The following PIP5K1C variants were observed in gnomAD, a reference collection of about 807,000 sequenced individuals.
PIP5K1C encodes the protein phosphatidylinositol 4-phosphate 5-kinase type-1 gamma.
Under a neutral mutation model 80.1 loss-of-function variants are expected in PIP5K1C, and 45 were observed. The observed-to-expected ratio is 0.56, with a 90% confidence interval of 0.44 to 0.72. The LOEUF (loss-of-function observed/expected upper bound fraction) is 0.72, where lower values mean the gene tolerates loss of function less well. PIP5K1C is among the 30% of genes least tolerant of loss of function. PIP5K1C has a pLI of 0.00. For synonymous variants in PIP5K1C, 498 were observed against 420.1 expected (o/e 1.19, Z -2.27); for missense variants, 753 against 954.6 (o/e 0.79, Z 2.78).
chr19:3,682,688 A>T (rs747881888), intron 1 of PIP5K1C, among the ~76,000 whole-genome samples: 8 of 152,074 alleles, frequency 5.3e-5, no homozygotes, highest in Non-Finnish European at 1.0e-4. Flanking sequence ...GACTGTCCCT[A>T]TAAAAAAATT....
chr19:3,695,919 G>A (rs1200740372), intron 1 of PIP5K1C, among the ~76,000 whole-genome samples: 2 of 152,132 alleles, frequency 1.3e-5, no homozygotes, highest in Admixed American at 6.5e-5. Flanking sequence ...AGTAGAGACA[G>A]GGGTCTTGCT....
intron 16 of PIP5K1C, chr19:3,636,392 A>G (rs1211671103): frequency 1.0e-6 from 1 of 985,226 alleles, no homozygotes; most frequent in Non-Finnish European, 1.2e-6. Flanking sequence ...TCTGGCCCCC[A>G]CACTTCCGCT....
rs1220667252 is a variant in PIP5K1C, at chr19:3,646,075, G to A, written c.1261-17C>T. 2 of 1,531,830 alleles carry A rather than the reference G, an allele frequency of 1.3e-6. No homozygotes were observed. Among genetic ancestry groups the A allele is most frequent in the South Asian group, 1.1e-5 (1 of 89,454 alleles). The allele number at this position is 1,531,830 out of a possible 1,614,324, so 94.9% of individuals were successfully genotyped here. On this transcript the variant is annotated splice_polypyrimidine_tract_variant and intron_variant, in intron 10 of 17. Transcript: ENST00000335312. ...CACCGTGTCCTGGAAGAGAGTTGGG[G>A]GGGGTGCCCGGGGGCAGAGGGTGCA...
intron 6 of PIP5K1C, among the ~76,000 whole-genome samples, chr19:3,654,933 C>T (rs1440847812): frequency 6.6e-6 from 1 of 151,694 alleles, no homozygotes; most frequent in Non-Finnish European, 1.5e-5. Flanking sequence ...CACGGTGAAA[C>T]CCCATCTCTA....
intron 10 of PIP5K1C, among the ~76,000 whole-genome samples, chr19:3,646,526 T>G (rs1599948597): frequency 6.6e-6 from 1 of 152,062 alleles, no homozygotes; most frequent in African/African-American, 2.4e-5. Context: ...TGGGAGGTGG[T>G]GCCCGGCCAC....
chr19:3,685,790 G>A (rs1376934607), intron 1 of PIP5K1C, among the ~76,000 whole-genome samples: 3 of 152,116 alleles, frequency 2.0e-5, no homozygotes, highest in Non-Finnish European at 2.9e-5. Flanking sequence ...GAATTGTCTG[G>A]CTCCTTAAGT....
At chr19:3,643,723 T>C (rs1390156221) in intron 12 of PIP5K1C, among the ~76,000 whole-genome samples, 1 of 140,482 alleles carries the variant, frequency 7.1e-6, no homozygotes, top group African/African-American at 2.6e-5. Flanking sequence ...ACGGGCTCCT[T>C]GCTGTTCCCT....
At chr19:3,640,263 T>C (rs1453683664) in intron 15 of PIP5K1C, among the ~76,000 whole-genome samples, 1 of 152,166 alleles carries the variant, frequency 6.6e-6, no homozygotes, top group East Asian at 1.9e-4. Context: ...CCTGTCATCC[T>C]AGCACTGTGG....
intron 16 of PIP5K1C, chr19:3,636,656 G>A: frequency 1.0e-6 from 1 of 985,676 alleles, no homozygotes; most frequent in East Asian, 1.1e-4. Flanking sequence ...GGACGGAGCT[G>A]CCTAGAGCAG....
intron 1 of PIP5K1C, among the ~76,000 whole-genome samples, chr19:3,693,298 C>T (rs769677591): frequency 6.6e-6 from 1 of 152,170 alleles, no homozygotes. Flanking sequence ...TGCTGGGGTC[C>T]TCTCTTCACT....
chr19:3,673,358 G>A (rs1025232472), intron 1 of PIP5K1C, among the ~76,000 whole-genome samples: 7 of 152,058 alleles, frequency 4.6e-5, no homozygotes, highest in South Asian at 4.2e-4. Flanking sequence ...CTCACTGCCC[G>A]GCACACGGCA....
intron 9 of PIP5K1C, among the ~76,000 whole-genome samples, chr19:3,647,613 C>G (rs1568321149): frequency 6.6e-6 from 1 of 152,156 alleles, no homozygotes; most frequent in Non-Finnish European, 1.5e-5. Flanking sequence ...CCATCTGGTC[C>G]CAATGTCCAT....
chr19:3,641,527 C>A (rs2033959574), intron 15 of PIP5K1C, among the ~76,000 whole-genome samples, 178 bp downstream of exon 15: 1 of 152,200 alleles, frequency 6.6e-6, no homozygotes, highest in African/African-American at 2.4e-5. Context: ...GCTAGGATCA[C>A]CCCGGCTAGT....
intron 6 of PIP5K1C, among the ~76,000 whole-genome samples, chr19:3,654,979 G>A (rs2034571047): frequency 6.6e-6 from 1 of 151,574 alleles, no homozygotes; most frequent in Non-Finnish European, 1.5e-5. Context: ...GTGGTGGTAG[G>A]TGCCTGGAAT....
At position 3,641,826 on chromosome 19, in the gene PIP5K1C, G is replaced by T; in HGVS notation, c.1683-17C>A. On this transcript the variant is annotated splice_polypyrimidine_tract_variant and intron_variant, in intron 14 of 17. Transcript: ENST00000335312. Reference sequence around the variant, plus strand: ...TCCTGCGGCCTGCAGGCAATGGGAGGTTGTGCCTCGGTTTCCCTCCTCACT... The same window carrying T: ...TCCTGCGGCCTGCAGGCAATGGGAGTTTGTGCCTCGGTTTCCCTCCTCACT... 1 of 1,600,940 alleles carries T rather than the reference G, an allele frequency of 6.2e-7. No individual in the cohort carries two copies. The highest frequency in any genetic ancestry group is 8.5e-7 in the Non-Finnish European group (1 of 1,172,094).
intron 1 of PIP5K1C, among the ~76,000 whole-genome samples, chr19:3,687,576 CACACACATGCAGAT>C (rs892631801): frequency 1.3e-5 from 2 of 151,130 alleles, no homozygotes; most frequent in African/African-American, 2.4e-5. Flanking sequence ...CATGCACACG[CACACACATGCAGAT>C]ACACACATGC....
At chr19:3,670,709 A>G (rs939325406) in intron 1 of PIP5K1C, among the ~76,000 whole-genome samples, 7 of 152,184 alleles carry the variant, frequency 4.6e-5, no homozygotes, top group Non-Finnish European at 1.0e-4. Flanking sequence ...CAGCAAGAAC[A>G]GCTGAAGGGT....
rs1334339407 is a variant in PIP5K1C, at chr19:3,688,093, C to A, written c.94+12204G>T. Reference sequence around the variant, plus strand: ...ACGCCAGCCCCTGGGGGAAGCCCGGCCCGTGCGGGCTGCGGGAGATCCTGA... The same window carrying A: ...ACGCCAGCCCCTGGGGGAAGCCCGGACCGTGCGGGCTGCGGGAGATCCTGA... On this transcript the variant is annotated intron_variant, in intron 1 of 17. Transcript: ENST00000335312. The surrounding 1 kb of genome is among the most constrained non-coding windows in gnomAD (Gnocchi z 5.3). Among the ~76,000 whole-genome samples, 1 of 152,148 alleles carries A rather than the reference C, an allele frequency of 6.6e-6. No individual in the cohort carries two copies. Among genetic ancestry groups the A allele is most frequent in the Non-Finnish European group, 1.5e-5 (1 of 68,014 alleles).
At chr19:3,669,100 C>G (rs954559460) in intron 1 of PIP5K1C, among the ~76,000 whole-genome samples, 1 of 152,164 alleles carries the variant, frequency 6.6e-6, no homozygotes, top group Non-Finnish European at 1.5e-5. Flanking sequence ...CTCCATTCCC[C>G]CTTCCTAGAG....
Sources: allele counts gnomAD v4.1 joint callset (sites outside exome capture counted in the v4.1 genomes callset), GRCh38; gene constraint gnomAD v4.1.1; non-coding constraint Gnocchi (gnomAD v3.1); transcripts MANE v1.5; gene names NCBI Gene and HGNC (gene_info 2026-07-23, HGNC 2026-07-21).